The following RELN variants were observed in gnomAD, a reference collection of about 807,000 sequenced individuals.
RELN encodes the protein reelin.
RELN carries 108 observed loss-of-function variants against 427.6 expected under a neutral mutation model. That is an observed-to-expected ratio of 0.25 (90% confidence interval 0.22 to 0.30). The LOEUF (loss-of-function observed/expected upper bound fraction) is 0.30, where lower values mean the gene tolerates loss of function less well. RELN is among the 10% of genes least tolerant of loss of function. RELN has a pLI of 1.00. For synonymous variants in RELN, 1,524 were observed against 1,513.4 expected (o/e 1.01, Z -0.16); for missense variants, 3,715 against 4,302.8 (o/e 0.86, Z 3.82).
chr7:103,923,995 A>C (rs967523131), intron 1 of RELN, among the ~76,000 whole-genome samples: 3 of 152,170 alleles, frequency 2.0e-5, no homozygotes, highest in Admixed American at 2.0e-4. Context: ...AGCTGAAACA[A>C]AGAGGGGAGG....
At chr7:103,879,189 G>A (rs1412379314) in intron 2 of RELN, among the ~76,000 whole-genome samples, 1 of 152,138 alleles carries the variant, frequency 6.6e-6, no homozygotes. Context: ...TTTTGGGTAG[G>A]TAACTCAAAC....
chr7:103,624,565 T>C lies in RELN; in HGVS notation c.2702+5375A>G, dbSNP rs1315767090. 9.9e-5 allele frequency among the ~76,000 whole-genome samples: 15 copies of C among 152,214 alleles called. 1 individual carries two copies. Among genetic ancestry groups the C allele is most frequent in the Admixed American group, 9.8e-4 (15 of 15,288 alleles). On this transcript the variant is annotated intron_variant, in intron 20 of 64. Transcript: ENST00000428762. ...CCTCAGCCTCCCAAGTAGCTGGGAT[T>C]ACAGGCGTCCGCCACCAGGCCCTGC... is the stretch of plus-strand genomic sequence containing the variant.
intron 2 of RELN, among the ~76,000 whole-genome samples, chr7:103,907,774 C>T (rs200517656): frequency 6.8e-5 from 10 of 147,258 alleles, no homozygotes; most frequent in African/African-American, 2.3e-4. Flanking sequence ...GTTTTTTTTT[C>T]TTTTTTAAAA....
chr7:103,862,760 G>A (rs1198195193), intron 2 of RELN, among the ~76,000 whole-genome samples: 1 of 152,130 alleles, frequency 6.6e-6, no homozygotes, highest in Non-Finnish European at 1.5e-5. Flanking sequence ...TCTAAGCCTT[G>A]GATGTCCATT....
intron 3 of RELN, among the ~76,000 whole-genome samples, chr7:103,814,356 C>T (rs564646831): frequency 6.6e-6 from 1 of 152,236 alleles, no homozygotes; most frequent in East Asian, 1.9e-4. Context: ...CAGATTTGTT[C>T]TGATTTGGAA....
intron 21 of RELN, 102 bp from the exon 22 acceptor site, chr7:103,610,909 A>C: frequency 4.1e-6 from 3 of 736,536 alleles, no homozygotes; most frequent in Non-Finnish European, 7.5e-6. Flanking sequence ...GAGAAATCTA[A>C]TGTCATAATC....
intron 33 of RELN, 80 bp from the exon 34 acceptor site, chr7:103,565,631 T>G: frequency 1.4e-6 from 2 of 1,393,658 alleles, no homozygotes; most frequent in Non-Finnish European, 9.9e-7. Context: ...ATAAACATCT[T>G]CAATAGCAAA....
chr7:103,549,780 A>C (rs1284533810), intron 41 of RELN, among the ~76,000 whole-genome samples: 2 of 152,186 alleles, frequency 1.3e-5, no homozygotes, highest in African/African-American at 4.8e-5. Flanking sequence ...AAGTTCTTTC[A>C]CCTTTTTGGT....
chr7:103,956,161 G>A (rs1796430155), intron 1 of RELN, among the ~76,000 whole-genome samples: 1 of 152,092 alleles, frequency 6.6e-6, no homozygotes, highest in Non-Finnish European at 1.5e-5. Flanking sequence ...ATTGCTCATA[G>A]ACCATAAAGT....
In RELN at chr7:103,634,972, C is replaced by A. The variant is rs147644000; in HGVS notation, c.2465+453G>T. On this transcript the variant is annotated intron_variant, in intron 19 of 64. Coordinates refer to ENST00000428762, the MANE Select transcript of RELN (RefSeq NM_005045.4). ...CTGCCGGGTTCAAGCAATTCTCCTGCCTCAGCCTCCTGAGTAGCTGGGACT... is the reference window on the plus strand; with the variant it reads ...CTGCCGGGTTCAAGCAATTCTCCTGACTCAGCCTCCTGAGTAGCTGGGACT... 1.9e-3 allele frequency among the ~76,000 whole-genome samples: 282 copies of A among 152,160 alleles called. 1 individual carries two copies. The highest frequency in any genetic ancestry group is 6.1e-3 in the African/African-American group (253 of 41,514).
intron 11 of RELN, among the ~76,000 whole-genome samples, chr7:103,665,337 G>GGTGT (rs565319459): frequency 2.5e-4 from 36 of 146,616 alleles, no homozygotes; most frequent in Non-Finnish European, 4.5e-4. Context: ...TCATACATAT[G>GGTGT]GTGTGTGTGT....
chr7:103,544,121 A>G (rs999683117), intron 42 of RELN, among the ~76,000 whole-genome samples: 1 of 151,430 alleles, frequency 6.6e-6, no homozygotes, highest in African/African-American at 2.4e-5. Flanking sequence ...TGGCTGAGTA[A>G]TGTTCCACTG....
chr7:103,795,594 TTGCTGGGA>T (rs1211260003), intron 3 of RELN, among the ~76,000 whole-genome samples: 1 of 152,240 alleles, frequency 6.6e-6, no homozygotes, highest in African/African-American at 2.4e-5. Flanking sequence ...ATTTTTCCCT[TTGCTGGGA>T]AGACATGAAC....
intron 38 of RELN, among the ~76,000 whole-genome samples, chr7:103,555,210 C>T (rs1218436424): frequency 3.3e-5 from 5 of 152,092 alleles, no homozygotes; most frequent in Non-Finnish European, 7.4e-5. Flanking sequence ...TTTGGACTGA[C>T]CTTGAAAAAA....
At chr7:103,624,888 A>C (rs538703507) in intron 20 of RELN, among the ~76,000 whole-genome samples, 4 of 152,250 alleles carry the variant, frequency 2.6e-5, no homozygotes, top group Non-Finnish European at 5.9e-5. Flanking sequence ...TTTAATTAAA[A>C]AAAATAAAAT....
intron 5 of RELN, among the ~76,000 whole-genome samples, chr7:103,751,128 G>A (rs1234505270): frequency 6.6e-6 from 1 of 152,196 alleles, no homozygotes; most frequent in Non-Finnish European, 1.5e-5. Flanking sequence ...TGCTTAGGAA[G>A]TTTGTTCCAG....
At chr7:103,783,368 T>C (rs1027714487) in intron 3 of RELN, among the ~76,000 whole-genome samples, 5 of 152,076 alleles carry the variant, frequency 3.3e-5, no homozygotes, top group African/African-American at 1.2e-4. Context: ...AAAAGAGAAA[T>C]GAATAGCTTC....
At chr7:103,828,361 C>T (rs1349861295) in intron 3 of RELN, among the ~76,000 whole-genome samples, 3 of 151,098 alleles carry the variant, frequency 2.0e-5, no homozygotes, top group Non-Finnish European at 3.0e-5. Context: ...GAGATACTTC[C>T]TTTAACATAT....
At chr7:103,747,779 C>T (rs28395498) in intron 6 of RELN, among the ~76,000 whole-genome samples, 12,698 of 150,808 alleles carry the variant, frequency 0.084, 1,790 homozygotes, top group African/African-American at 0.29. Flanking sequence ...CAAAAAAGGA[C>T]TGTTTTAAAA....
Sources: gnomAD v4.1 joint callset for allele counts (sites outside exome capture counted in the v4.1 genomes callset) on GRCh38, gnomAD v4.1.1 for gene constraint, MANE v1.5 for transcripts, NCBI Gene and HGNC (gene_info 2026-07-23, HGNC 2026-07-21) for gene names.